SLC5A4: variants seen among roughly 807,000 people sequenced by gnomAD.
SLC5A4 encodes solute carrier family 5 member 4, also known as probable glucose sensor protein SLC5A4.
In SLC5A4, 55 loss-of-function variants were observed where a neutral mutation model predicts 70.3. The ratio of observed to expected loss-of-function variants is 0.78; its 90% CI spans 0.63 to 0.98. The LOEUF is 0.98. Ranked by LOEUF, SLC5A4 falls within the 50% of genes least tolerant of loss-of-function variation. SLC5A4 has a pLI of 0.00. For synonymous variants in SLC5A4, 268 were observed against 305.7 expected (o/e 0.88, Z 1.29); for missense variants, 735 against 839.2 (o/e 0.88, Z 1.53).
At chr22:32,252,487 C>A (rs1042890710) in intron 2 of SLC5A4, among the ~76,000 whole-genome samples, 1 of 152,168 alleles carries the variant, frequency 6.6e-6, no homozygotes, top group African/African-American at 2.4e-5. Flanking sequence ...TTGTCTGGAA[C>A]ACAGCCGTGC....
the SLC5A4 span, among the ~76,000 whole-genome samples, chr22:32,279,410 G>A: frequency 6.6e-6 from 1 of 152,260 alleles, no homozygotes; most frequent in African/African-American, 2.4e-5. Context: ...ATCGCTGAGA[G>A]CTGGAGAACT....
In SLC5A4 at chr22:32,232,995, G is replaced by T. The variant is rs1452745092; in HGVS notation, c.925C>A (p.His309Asn). 27 of 1,614,148 alleles carry T rather than the reference G, an allele frequency of 1.7e-5. No homozygotes were observed. Among genetic ancestry groups the T allele is most frequent in the Non-Finnish European group, 2.2e-5 (26 of 1,179,990 alleles). The change falls in exon 9 of 15, where the codon CAC (histidine) becomes AAC (asparagine). Residue 309 changes from histidine to asparagine, a missense_variant. Transcript: ENST00000266086. ...CACATAATGCAAGCGGCCTTCACGT[G>T]AGACATGTCCTTGCCACACAGGCAG... ...QRCLCGKDMS[H>N]VKAACIMCAY...
chr22:32,249,374 G>A (rs1569381503), intron 3 of SLC5A4, among the ~76,000 whole-genome samples: 1 of 152,132 alleles, frequency 6.6e-6, no homozygotes, highest in Non-Finnish European at 1.5e-5. Flanking sequence ...CAGTGACAGG[G>A]GGAGCAGCTC....
chr22:32,253,873 C>T (rs1315293660), intron 2 of SLC5A4, among the ~76,000 whole-genome samples: 1 of 151,948 alleles, frequency 6.6e-6, no homozygotes, highest in Non-Finnish European at 1.5e-5. Context: ...CTCTGCCTCC[C>T]AGGTTCAAGT....
At chr22:32,270,006 G>T in the SLC5A4 span, 1 of 499,414 alleles carries the variant, frequency 2.0e-6, no homozygotes, top group South Asian at 1.7e-5. Context: ...ACACCGAGAA[G>T]CTTCAGGAGC....
chr22:32,253,796 T>C (rs907949571), intron 2 of SLC5A4, among the ~76,000 whole-genome samples: 2 of 152,010 alleles, frequency 1.3e-5, no homozygotes, highest in African/African-American at 4.8e-5. Context: ...TTTTTTTTTT[T>C]TGAGATGGAG....
At chr22:32,342,827 ATTCAC>A in the SLC5A4 span, among the ~76,000 whole-genome samples, 1 of 152,224 alleles carries the variant, frequency 6.6e-6, no homozygotes, top group South Asian at 2.1e-4. Flanking sequence ...GTCAAAAAAT[ATTCAC>A]TTCAATTAAT....
At chr22:32,232,864 TA>T (rs780776651) in intron 9 of SLC5A4, 34 bp downstream of exon 9, 4 of 1,581,556 alleles carry the variant, frequency 2.5e-6, no homozygotes, top group South Asian at 1.2e-5. Flanking sequence ...AATACAAGCA[TA>T]AAAAAAGAGA....
the SLC5A4 span, among the ~76,000 whole-genome samples, chr22:32,340,708 G>A: frequency 6.6e-6 from 1 of 152,330 alleles, no homozygotes; most frequent in Admixed American, 6.5e-5. Context: ...CAGCAGCGGG[G>A]CTGGTGCGGC....
In SLC5A4 at chr22:32,255,305, T is replaced by C. The variant is rs776658182; in HGVS notation, c.25A>G (p.Thr9Ala). The part of the protein sequence containing the change: MASTVSPS[T>A]IAETPEPPPL... ...GGTGGCTCTGGGGTCTCAGCTATGG[T>C]GCTGGGGCTAACCGTACTGGCCATG... Residue 9 changes from threonine (T) to alanine (A), a missense_variant, in exon 1 of 15, where the codon ACC (threonine) becomes GCC (alanine). By Grantham distance (58) the Thr-to-Ala change is moderately conservative (BLOSUM62 0). Coordinates refer to ENST00000266086, the MANE Select transcript of SLC5A4 (RefSeq NM_014227.3). 1 of 1,614,158 alleles carries C rather than the reference T, an allele frequency of 6.2e-7. No individual in the cohort carries two copies. The highest frequency in any genetic ancestry group is 1.1e-5 in the South Asian group (1 of 91,072).
At chr22:32,250,957 G>A (rs910992670) in intron 3 of SLC5A4, among the ~76,000 whole-genome samples, 2 of 151,746 alleles carry the variant, frequency 1.3e-5, no homozygotes, top group Admixed American at 6.6e-5. Context: ...GGCCTGTCAG[G>A]GGGTGAGGGG....
chr22:32,228,520 C>A (rs1191094743), intron 11 of SLC5A4, among the ~76,000 whole-genome samples: 6 of 143,726 alleles, frequency 4.2e-5, no homozygotes, highest in African/African-American at 1.6e-4. Context: ...CCAGCCTGGG[C>A]AAAAAGAGTG....
the SLC5A4 span, chr22:32,270,056 A>G: frequency 2.1e-6 from 1 of 485,200 alleles, no homozygotes; most frequent in Non-Finnish European, 4.0e-6. Flanking sequence ...GACAAGGAAG[A>G]GCCTCCCTCA....
chr22:32,266,615 C>T, the SLC5A4 span, among the ~76,000 whole-genome samples: 1 of 152,170 alleles, frequency 6.6e-6, no homozygotes, highest in Admixed American at 6.5e-5. Context: ...TTTTTAGATA[C>T]AGCTGACCCT....
rs1925849876 is a variant in SLC5A4, at chr22:32,232,995, G to GT, written c.924_925insA (p.His309ThrfsTer42). On this transcript the variant is annotated frameshift_variant, in exon 9 of 15. Coordinates refer to ENST00000266086, the MANE Select transcript of SLC5A4 (RefSeq NM_014227.3). LOFTEE classifies it high-confidence loss of function. ...CACATAATGCAAGCGGCCTTCACGT[G>GT]AGACATGTCCTTGCCACACAGGCAG... is the stretch of plus-strand genomic sequence containing the variant. 2 of 1,614,148 alleles carry GT rather than the reference G, an allele frequency of 1.2e-6. No homozygotes were observed. Among genetic ancestry groups the GT allele is most frequent in the Non-Finnish European group, 1.7e-6 (2 of 1,179,990 alleles).
At chr22:32,316,108 G>GGA in the SLC5A4 span, among the ~76,000 whole-genome samples, 33 of 132,032 alleles carry the variant, frequency 2.5e-4, no homozygotes, top group African/African-American at 8.6e-4. Context: ...GACTCTGTCT[G>GGA]AAAAAAAAAA....
intron 10 of SLC5A4, among the ~76,000 whole-genome samples, 191 bp downstream of exon 10, chr22:32,230,777 A>G (rs868800614): frequency 1.3e-5 from 2 of 152,254 alleles, no homozygotes; most frequent in Non-Finnish European, 2.9e-5. Context: ...TTCTTCTAAC[A>G]GTAATTGTAC....
the SLC5A4 span, among the ~76,000 whole-genome samples, chr22:32,308,571 C>G: frequency 6.6e-6 from 1 of 152,208 alleles, no homozygotes; most frequent in Non-Finnish European, 1.5e-5. Flanking sequence ...GCCAAAGAAG[C>G]CTGTTAACCC....
chr22:32,337,217 G>A, the SLC5A4 span, among the ~76,000 whole-genome samples: 1 of 152,156 alleles, frequency 6.6e-6, no homozygotes. Flanking sequence ...CCTGTCTGTG[G>A]GTGTCCCTGG....
Sources: gnomAD v4.1 joint callset for allele counts (sites outside exome capture counted in the v4.1 genomes callset) on GRCh38, gnomAD v4.1.1 for gene constraint, MANE v1.5 for transcripts, NCBI Gene and HGNC (gene_info 2026-07-23, HGNC 2026-07-21) for gene names.